Variants in B3GNT2 observed in about 807,000 individuals in gnomAD.
The protein encoded by B3GNT2 is UDP-GlcNAc:betaGal beta-1,3-N-acetylglucosaminyltransferase 2, also known as N-acetyllactosaminide beta-1,3-N-acetylglucosaminyltransferase 2.
A neutral mutation model predicts 27.6 loss-of-function variants in B3GNT2; 12 were observed. The ratio of observed to expected loss-of-function variants is 0.44; its 90% CI spans 0.28 to 0.71. B3GNT2 has a LOEUF of 0.71. Ranked by LOEUF, B3GNT2 falls within the 30% of genes least tolerant of loss-of-function variation. The pLI, the probability that B3GNT2 is intolerant of heterozygous loss-of-function variation, is 0.17. For synonymous variants in B3GNT2, 192 were observed against 189.7 expected (o/e 1.01, Z -0.10); for missense variants, 413 against 488.5 (o/e 0.85, Z 1.46).
At chr2:62,213,576 G>C (rs1035736969) in intron 1 of B3GNT2, among the ~76,000 whole-genome samples, 3 of 152,164 alleles carry the variant, frequency 2.0e-5, no homozygotes, top group Non-Finnish European at 4.4e-5. Flanking sequence ...GCTGCCTTTG[G>C]TGGTCTGGGG....
chr2:62,199,253 T>C (rs1674216191), intron 1 of B3GNT2, among the ~76,000 whole-genome samples: 1 of 152,214 alleles, frequency 6.6e-6, no homozygotes, highest in Admixed American at 6.5e-5. Flanking sequence ...CTTTAAATGT[T>C]TTCTAGCAAT....
rs1219124753 is a variant in B3GNT2, at chr2:62,223,672, T to G, written c.*258T>G. On this transcript the variant is annotated 3_prime_UTR_variant, in exon 2 of 2. Coordinates refer to ENST00000301998, the MANE Select transcript of B3GNT2 (RefSeq NM_006577.6). The stretch of plus-strand genomic sequence containing the variant: ...CTAGTGGTCATTTTTAAAAAACTTG[T>G]ACCCTCTTATCTGAAATCCTGTTTC... 5.8e-6 allele frequency: 2 copies of G among 344,850 alleles called. No homozygotes were observed. The highest frequency in any genetic ancestry group is 4.3e-5 in the African/African-American group (2 of 46,686). 21.4% of individuals were successfully genotyped at this position (344,850 alleles called of 1,614,324 possible).
At chr2:62,199,978 T>C (rs922824906) in intron 1 of B3GNT2, among the ~76,000 whole-genome samples, 1 of 152,142 alleles carries the variant, frequency 6.6e-6, no homozygotes, top group Non-Finnish European at 1.5e-5. Context: ...AACCTGTTAC[T>C]TGATGGAGAA....
chr2:62,213,386 A>G (rs1184484702), intron 1 of B3GNT2, among the ~76,000 whole-genome samples: 1 of 152,162 alleles, frequency 6.6e-6, no homozygotes, highest in Admixed American at 6.5e-5. Flanking sequence ...TATGCTTCCC[A>G]TGACTGTCAT....
At chr2:62,202,887 A>C in intron 1 of B3GNT2, among the ~76,000 whole-genome samples, 1 of 151,110 alleles carries the variant, frequency 6.6e-6, no homozygotes, top group African/African-American at 2.4e-5. Flanking sequence ...CCCTCATTTC[A>C]CTCCAGGCAC....
chr2:62,207,317 C>T (rs1197645849), intron 1 of B3GNT2, among the ~76,000 whole-genome samples: 2 of 152,038 alleles, frequency 1.3e-5, no homozygotes, highest in Non-Finnish European at 2.9e-5. Context: ...GTAGTTGGGA[C>T]AACACACATG....
At chr2:62,216,834 C>T (rs1674584789) in intron 1 of B3GNT2, among the ~76,000 whole-genome samples, 1 of 152,238 alleles carries the variant, frequency 6.6e-6, no homozygotes, top group South Asian at 2.1e-4. Flanking sequence ...GAGAAATTGG[C>T]TTCCCCGGGG....
At chr2:62,217,082 A>G (rs1008553989) in intron 1 of B3GNT2, among the ~76,000 whole-genome samples, 2 of 152,210 alleles carry the variant, frequency 1.3e-5, no homozygotes, top group African/African-American at 4.8e-5. Context: ...CACTAATGTT[A>G]CTTAAGATAG....
chr2:62,219,253 G>T lies in B3GNT2; in HGVS notation c.-9-2959G>T, dbSNP rs1025816745. Among the ~76,000 whole-genome samples, 4 of 152,202 alleles carry T rather than the reference G, an allele frequency of 2.6e-5. No homozygotes were observed. In the South Asian group the frequency reaches 8.3e-4, roughly 32 times the overall value. On this transcript the variant is annotated intron_variant, in intron 1 of 1. Transcript: ENST00000301998. ...TTTTACTCCAGAAATTTTGGTAAAG[G>T]TCTATTAATGTTTAAATCCCTTTAC...
intron 1 of B3GNT2, among the ~76,000 whole-genome samples, chr2:62,202,115 G>A (rs147048867): frequency 3.9e-5 from 6 of 152,222 alleles, no homozygotes; most frequent in Middle Eastern, 3.2e-3. Flanking sequence ...GACCAAACAC[G>A]CATTGATTGA....
chr2:62,203,710 G>A (rs1305763897), intron 1 of B3GNT2, among the ~76,000 whole-genome samples: 2 of 152,160 alleles, frequency 1.3e-5, no homozygotes, highest in East Asian at 3.9e-4. Context: ...GGGAAACAGT[G>A]GAGATTGCTA....
chr2:62,215,427 G>A (rs1674554071), intron 1 of B3GNT2: 1 of 152,290 alleles, frequency 6.6e-6, no homozygotes, highest in Non-Finnish European at 1.5e-5. Flanking sequence ...CTGTAGGTGT[G>A]GCCCAGCTCT....
At chr2:62,211,314 C>G (rs1384289360) in intron 1 of B3GNT2, among the ~76,000 whole-genome samples, 3 of 152,102 alleles carry the variant, frequency 2.0e-5, no homozygotes, top group Non-Finnish European at 2.9e-5. Flanking sequence ...TGTGATTGCG[C>G]CACTGCACTT....
intron 1 of B3GNT2, chr2:62,221,857 A>T (rs1040488431): frequency 5.7e-6 from 3 of 528,586 alleles, no homozygotes; most frequent in Non-Finnish European, 1.1e-5. Flanking sequence ...AACTCTCCTG[A>T]GGTTATTTAG....
intron 1 of B3GNT2, among the ~76,000 whole-genome samples, chr2:62,200,399 G>A (rs922806565): frequency 2.0e-5 from 3 of 152,084 alleles, no homozygotes; most frequent in South Asian, 2.1e-4. Flanking sequence ...GAGGGTTCAG[G>A]TGTCTTCATT....
At chr2:62,206,270 G>T (rs1237162974) in intron 1 of B3GNT2, among the ~76,000 whole-genome samples, 1 of 152,146 alleles carries the variant, frequency 6.6e-6, no homozygotes, top group Non-Finnish European at 1.5e-5. Flanking sequence ...GCCCATCTGG[G>T]TTCTCAGTTC....
rs144995600 is a variant in B3GNT2, at chr2:62,213,016, A to T, written c.-9-9196A>T. 3.7e-3 allele frequency among the ~76,000 whole-genome samples: 563 copies of T among 152,302 alleles called. 5 individuals carry two copies. Among genetic ancestry groups the T allele is most frequent in the African/African-American group, 0.013 (532 of 41,568 alleles). ...GAGGTTGGAGTGGAAGCATTTACCA[A>T]GCCACGTACAAGCTCTTAACCAAGG... On this transcript the variant is annotated intron_variant, in intron 1 of 1. Coordinates refer to ENST00000301998, the MANE Select transcript of B3GNT2 (RefSeq NM_006577.6).
At chr2:62,197,465 G>A (rs138930899) in intron 1 of B3GNT2, among the ~76,000 whole-genome samples, 1 of 152,304 alleles carries the variant, frequency 6.6e-6, no homozygotes, top group East Asian at 1.9e-4. Context: ...AAAACGTAGG[G>A]GTGGTTAGTT....
intron 1 of B3GNT2, among the ~76,000 whole-genome samples, chr2:62,197,110 G>T (rs1674164188): frequency 1.3e-5 from 2 of 152,108 alleles, no homozygotes. Context: ...GGTGGGGCGG[G>T]GTGGGGTGGG....
Sources: allele counts gnomAD v4.1 joint callset (sites outside exome capture counted in the v4.1 genomes callset), GRCh38; gene constraint gnomAD v4.1.1; transcripts MANE v1.5; gene names NCBI Gene and HGNC (gene_info 2026-07-23, HGNC 2026-07-21).